FGF1: variants seen among roughly 807,000 people sequenced by gnomAD.
FGF1 encodes beta-endothelial cell growth factor.
FGF1 carries 9 observed loss-of-function variants against 13.4 expected under a neutral mutation model. That is an observed-to-expected ratio of 0.67 (90% CI 0.40 to 1.17). The LOEUF is 1.17. Among genes scored for constraint, FGF1 ranks in the 50% most tolerant of loss-of-function variants. FGF1 has a pLI of 0.01. For missense variants in FGF1, 156 were observed against 192.7 expected, an observed-to-expected ratio of 0.81 and a Z score of 1.13; for synonymous variants, 93 against 79.0, an observed-to-expected ratio of 1.18 and a Z score of -0.94.
chr5:142,674,899 G>A (rs1772220945), intron 1 of FGF1, among the ~76,000 whole-genome samples: 2 of 152,190 alleles, frequency 1.3e-5, no homozygotes, highest in African/African-American at 2.4e-5. Flanking sequence ...GGAACGAGAA[G>A]CCATAAGGCC....
At chr5:142,660,392 C>A (rs1000999679) in intron 1 of FGF1, among the ~76,000 whole-genome samples, 2 of 152,328 alleles carry the variant, frequency 1.3e-5, no homozygotes, top group African/African-American at 4.8e-5. Context: ...CAAGTTGGGG[C>A]CGCTGGTCTC....
chr5:142,633,749 G>T (rs555118643), intron 1 of FGF1, among the ~76,000 whole-genome samples: 1 of 152,140 alleles, frequency 6.6e-6, no homozygotes, highest in Non-Finnish European at 1.5e-5. Flanking sequence ...TTACTGCTTT[G>T]CTATACCACC....
chr5:142,650,495 T>C (rs2151973261), intron 1 of FGF1, among the ~76,000 whole-genome samples: 1 of 152,176 alleles, frequency 6.6e-6, no homozygotes, highest in Admixed American at 6.5e-5. Context: ...AGTACTTACC[T>C]CCTAGGAATT....
chr5:142,605,005 G>A lies in FGF1; in HGVS notation c.170-4200C>T, dbSNP rs533512441. Among the ~76,000 whole-genome samples the A allele has an allele frequency of 1.2e-4, 19 of 152,270 alleles. No individual in the cohort carries two copies. The South Asian group carries it at 3.1e-3, about 25-fold the overall frequency. ...TGCCTGGGACTCTTTTCAACCTATC[G>A]CCCATATATGTAGATATTTAGTCAA... On this transcript the variant is annotated intron_variant, in intron 2 of 3. Transcript: ENST00000337706.
chr5:142,606,723 T>C (rs1757778676), intron 2 of FGF1, among the ~76,000 whole-genome samples: 1 of 152,118 alleles, frequency 6.6e-6, no homozygotes. Context: ...TTCATACAAG[T>C]AGCTGCTTTG....
chr5:142,641,777 A>G (rs1269608950), intron 1 of FGF1, among the ~76,000 whole-genome samples: 2 of 151,844 alleles, frequency 1.3e-5, no homozygotes, highest in Non-Finnish European at 2.9e-5. Context: ...TAGGCATCCG[A>G]ATAATTATTC....
chr5:142,620,115 T>C (rs1761225578), intron 1 of FGF1, among the ~76,000 whole-genome samples: 1 of 151,640 alleles, frequency 6.6e-6, no homozygotes, highest in Non-Finnish European at 1.5e-5. Flanking sequence ...AGACAAATGT[T>C]AACAAAAAAA....
intron 2 of FGF1, among the ~76,000 whole-genome samples, chr5:142,691,520 C>T (rs941378747): frequency 6.6e-6 from 1 of 152,116 alleles, no homozygotes; most frequent in Admixed American, 6.5e-5. Flanking sequence ...TCCCCTACCA[C>T]ATACACTGGA....
At chr5:142,600,516 G>C (rs1448940396) in intron 3 of FGF1, among the ~76,000 whole-genome samples, 186 bp downstream of exon 3, 1 of 152,190 alleles carries the variant, frequency 6.6e-6, no homozygotes, top group African/African-American at 2.4e-5. Flanking sequence ...AGTTTTGAGA[G>C]AATACTACAA....
At chr5:142,653,260 C>T (rs989048717) in intron 1 of FGF1, among the ~76,000 whole-genome samples, 2 of 152,156 alleles carry the variant, frequency 1.3e-5, no homozygotes, top group Non-Finnish European at 2.9e-5. Context: ...GCGAGGATGA[C>T]GAGGGGGATA....
At chr5:142,637,813 T>C (rs1162776848) in intron 1 of FGF1, among the ~76,000 whole-genome samples, 2 of 152,038 alleles carry the variant, frequency 1.3e-5, no homozygotes, top group African/African-American at 2.4e-5. Flanking sequence ...GTCATGCTAC[T>C]GTAGTTTATA....
At chr5:142,690,089 A>C (rs1373353839), upstream of FGF1, among the ~76,000 whole-genome samples, 2 of 149,626 alleles carry the variant, frequency 1.3e-5, no homozygotes, top group Non-Finnish European at 3.0e-5. Flanking sequence ...TGGGAGGCTG[A>C]GGCGGGCGGA....
At chr5:142,686,730 A>G (rs977481089), upstream of FGF1, among the ~76,000 whole-genome samples, 1 of 152,118 alleles carries the variant, frequency 6.6e-6, no homozygotes, top group African/African-American at 2.4e-5. Flanking sequence ...TACAAATGGC[A>G]TTTTACGAAG....
At chr5:142,626,552 T>C (rs1028993510) in intron 1 of FGF1, among the ~76,000 whole-genome samples, 19 of 152,210 alleles carry the variant, frequency 1.2e-4, no homozygotes, top group African/African-American at 4.1e-4. Flanking sequence ...CTTGAGCTTC[T>C]CTATTCTTTT....
At chr5:142,671,334 T>C (rs554414338) in intron 1 of FGF1, among the ~76,000 whole-genome samples, 1 of 152,330 alleles carries the variant, frequency 6.6e-6, no homozygotes, top group South Asian at 2.1e-4. Context: ...GGGTAAGACG[T>C]CTTCTGTATT....
chr5:142,667,344 TG>T (rs1317829903), intron 1 of FGF1, among the ~76,000 whole-genome samples: 1 of 151,482 alleles, frequency 6.6e-6, no homozygotes, highest in Non-Finnish European at 1.5e-5. Flanking sequence ...CCCAGCACTT[TG>T]GGAGGCCGAG....
chr5:142,600,813 A>G lies in FGF1; in HGVS notation c.170-8T>C. 1.3e-6 allele frequency: 2 copies of G among 1,599,356 alleles called. No homozygotes were observed. The highest frequency in any genetic ancestry group is 2.2e-5 in the East Asian group (1 of 44,800). ...CACTGAGCTGCAGCTGAACTGGAATAAAAATAACACGAGCAAAAGTAAATA... is the reference window on the plus strand; with the variant it reads ...CACTGAGCTGCAGCTGAACTGGAATGAAAATAACACGAGCAAAAGTAAATA... On this transcript the variant is annotated splice_polypyrimidine_tract_variant and splice_region_variant and intron_variant, in intron 2 of 3. Coordinates refer to ENST00000337706, the MANE Select transcript of FGF1 (RefSeq NM_000800.5).
At chr5:142,645,990 G>A (rs2151961200) in intron 1 of FGF1, among the ~76,000 whole-genome samples, 1 of 152,118 alleles carries the variant, frequency 6.6e-6, no homozygotes, top group African/African-American at 2.4e-5. Flanking sequence ...CTCATTGCAA[G>A]CTCTGCCTCC....
chr5:142,681,877 C>A (rs1159174545), intron 1 of FGF1, among the ~76,000 whole-genome samples: 1 of 152,166 alleles, frequency 6.6e-6, no homozygotes, highest in African/African-American at 2.4e-5. Context: ...TACAGCCAAG[C>A]ACAGTGCTTG....
Sources: allele counts gnomAD v4.1 joint callset (sites outside exome capture counted in the v4.1 genomes callset), GRCh38; gene constraint gnomAD v4.1.1; transcripts MANE v1.5; gene names NCBI Gene and HGNC (gene_info 2026-07-23, HGNC 2026-07-21).